The following CRABP2 variants were observed in gnomAD, a reference collection of about 807,000 sequenced individuals.
CRABP2 encodes the protein cellular retinoic acid binding protein 2, also known as cellular retinoic acid-binding protein 2.
In CRABP2, 20 loss-of-function variants were observed where a neutral mutation model predicts 17.9. The ratio of observed to expected loss-of-function variants is 1.12; its 90% confidence interval spans 0.79 to 1.63. CRABP2 has a LOEUF of 1.63. Ranked by LOEUF, CRABP2 falls within the 40% of genes most tolerant of loss-of-function variation. The probability of loss-of-function intolerance (pLI) is 0.00; values close to 1 mark genes in which losing one functional copy is unlikely to be tolerated. For synonymous variants in CRABP2, 76 were observed against 66.4 expected, an observed-to-expected ratio of 1.14 and a Z score of -0.70; for missense variants, 151 against 168.6, an observed-to-expected ratio of 0.90 and a Z score of 0.58.
At chr1:156,704,422 T>TA (rs796224440) in intron 1 of CRABP2, among the ~76,000 whole-genome samples, 9 of 152,222 alleles carry the variant, frequency 5.9e-5, no homozygotes, top group African/African-American at 2.2e-4. Flanking sequence ...GGCCTGCCCT[T>TA]ACGCTCCCAG....
rs1360924629 is a variant in CRABP2 at position 156,699,901 on chromosome 1, C to T, written c.*125G>A. 1 of 993,272 alleles carries T rather than the reference C, an allele frequency of 1.0e-6. No homozygotes were observed. The allele number at this position is 993,272 out of a possible 1,614,324, so 61.5% of individuals were successfully genotyped here. A position where few individuals can be genotyped will look rare whatever the true frequency, so the allele number is the denominator to read the frequency against. On this transcript the variant is annotated 3_prime_UTR_variant, in exon 4 of 4. Coordinates refer to ENST00000368222, the MANE Select transcript of CRABP2 (RefSeq NM_001878.4). ...CCCTGCAAGAGGCATCCCAGTGACCCCCAGAAGTGACTGGGGTAAGGGGAG... is the reference window on the plus strand; with the variant it reads ...CCCTGCAAGAGGCATCCCAGTGACCTCCAGAAGTGACTGGGGTAAGGGGAG...
At position 156,701,020 on chromosome 1, in the gene CRABP2, C is replaced by T; in HGVS notation, c.103G>A (p.Ala35Thr). The T allele has an allele frequency of 6.2e-7, 1 of 1,614,136 alleles. No homozygotes were observed. The highest frequency in any genetic ancestry group is 8.5e-7 in the Non-Finnish European group (1 of 1,180,020). Residue 35 changes from alanine (A) to threonine (T), a missense_variant, in exon 2 of 4, where the codon GCT becomes ACT. Physicochemically the swap from Ala to Thr is moderately conservative, Grantham distance 58. Transcript: ENST00000368222. ...TCCACTGCTGGCTTGGACGCTGCAG[C>T]CACAGCAATCTTCCTCAGCATCACA... ...VNVMLRKIAV[A>T]AASKPAVEIK...
Position 156,700,798 on chromosome 1 carries a change from A to C in CRABP2, c.249+76T>G. On this transcript the variant is annotated intron_variant, in intron 2 of 3. Transcript: ENST00000368222. ...TGGGACAGAGAGAAGCTAGGAGTTA[A>C]CTGCTAGCCTGGAAAATGGCAGGTT... The C allele has an allele frequency of 5.1e-6, 8 of 1,564,386 alleles. No individual in the cohort carries two copies. In the South Asian group the frequency reaches 9.3e-5, roughly 18 times the overall value.
intron 1 of CRABP2, among the ~76,000 whole-genome samples, chr1:156,703,179 A>G (rs1041963556): frequency 5.9e-5 from 9 of 152,244 alleles, no homozygotes; most frequent in Admixed American, 3.9e-4. Flanking sequence ...GAAGGAATAG[A>G]AAAGGAGACT....
rs1025608733 is a variant in CRABP2 at position 156,699,927 on chromosome 1, C to T, written c.*99G>A. The T allele has an allele frequency of 1.0e-5, 13 of 1,286,378 alleles. No homozygotes were observed. Among genetic ancestry groups the T allele is most frequent in the South Asian group, 5.2e-5 (4 of 76,822 alleles). The allele number at this position is 1,286,378 out of a possible 1,614,324, so 79.7% of individuals were successfully genotyped here. A position where few individuals can be genotyped will look rare whatever the true frequency, so the allele number is the denominator to read the frequency against. ...CCAGAAGTGACTGGGGTAAGGGGAG[C>T]GCTATCCTAGAAGGAGGGGGTGGGA... is the stretch of plus-strand genomic sequence containing the variant. On this transcript the variant is annotated 3_prime_UTR_variant, in exon 4 of 4. Coordinates refer to ENST00000368222, the MANE Select transcript of CRABP2 (RefSeq NM_001878.4).
chr1:156,705,178 C>T lies in CRABP2; in HGVS notation c.70+199G>A, dbSNP rs543050985. Reference sequence around the variant, plus strand: ...CCGTGAGTCACCGCAGTGTTGGCACCGGTGGGCCCCCGCAGGAGAAAGCGG... The same window carrying T: ...CCGTGAGTCACCGCAGTGTTGGCACTGGTGGGCCCCCGCAGGAGAAAGCGG... On this transcript the variant is annotated intron_variant, in intron 1 of 3. Coordinates refer to ENST00000368222, the MANE Select transcript of CRABP2 (RefSeq NM_001878.4). This position sits in a 1 kb window ranked among gnomAD's most constrained non-coding sequence, Gnocchi z 5.2. 3.3e-5 allele frequency among the ~76,000 whole-genome samples: 5 copies of T among 152,338 alleles called. No individual in the cohort carries two copies. The highest frequency in any genetic ancestry group is 3.4e-3 in the Middle Eastern group (1 of 294).
Position 156,700,643 on chromosome 1 carries a change from C to G in CRABP2, c.265G>C (p.Glu89Gln), listed in dbSNP as rs751247337. 2.5e-6 allele frequency: 4 copies of G among 1,614,014 alleles called. No homozygotes were observed. Among genetic ancestry groups the G allele is most frequent in the Middle Eastern group, 1.6e-4 (1 of 6,082 alleles). ...GRPCKSLVKW[E>Q]SENKMVCEQK... ...TCACAGACCATTTTATTCTCACTCT[C>G]CCATTTCACCAGGCTCTGCAAGAGA... Residue 89 changes from glutamate to glutamine, a missense_variant, in exon 3 of 4, where the codon GAG becomes CAG. By Grantham distance (29) the Glu-to-Gln change is conservative (BLOSUM62 2). Coordinates refer to ENST00000368222, the MANE Select transcript of CRABP2 (RefSeq NM_001878.4).
At chr1:156,701,976 CAA>C (rs1331183742) in intron 1 of CRABP2, among the ~76,000 whole-genome samples, 12 of 132,512 alleles carry the variant, frequency 9.1e-5, no homozygotes, top group Admixed American at 1.5e-4. Flanking sequence ...CCGACTCTAC[CAA>C]AAAAAAAAAA....
At chr1:156,704,314 C>A (rs773520396) in intron 1 of CRABP2, among the ~76,000 whole-genome samples, 7 of 152,164 alleles carry the variant, frequency 4.6e-5, no homozygotes, top group Non-Finnish European at 7.4e-5. Context: ...CAGACTCACT[C>A]CTATAGTCCA....
chr1:156,702,271 T>G (rs1306607668), intron 1 of CRABP2, among the ~76,000 whole-genome samples: 1 of 145,412 alleles, frequency 6.9e-6, no homozygotes, highest in South Asian at 2.2e-4. Context: ...ACCAGCATAG[T>G]GAAACCCCAT....
rs975982942 is a variant in CRABP2 at position 156,700,450 on chromosome 1, T to A, written c.366+92A>T. On this transcript the variant is annotated intron_variant, in intron 3 of 3. Transcript: ENST00000368222. ...AGCAGGGTGCGGAGTCCAGCCATGGTTGTTCTTGAGTCTCCTGCACCCTGG... is the reference window on the plus strand; with the variant it reads ...AGCAGGGTGCGGAGTCCAGCCATGGATGTTCTTGAGTCTCCTGCACCCTGG... 7.0e-6 allele frequency: 7 copies of A among 1,000,972 alleles called. No individual in the cohort carries two copies. In the African/African-American group the frequency reaches 1.1e-4, roughly 16 times the overall value. 62.0% of individuals were successfully genotyped at this position (1,000,972 alleles called of 1,614,324 possible).
At position 156,705,053 on chromosome 1, in the gene CRABP2, A is replaced by G. The variant is rs777403478; in HGVS notation, c.70+324T>C. On this transcript the variant is annotated intron_variant, in intron 1 of 3. Coordinates refer to ENST00000368222, the MANE Select transcript of CRABP2 (RefSeq NM_001878.4). The surrounding 1 kb of genome is among the most constrained non-coding windows in gnomAD (Gnocchi z 5.2). ...CCAGCCCGCAGCTTCTGAACTGCAG[A>G]GAGCCAGGTGCCTCGGCCCGCCGAG... Among the ~76,000 whole-genome samples, 5 of 152,194 alleles carry G rather than the reference A, an allele frequency of 3.3e-5. No individual in the cohort carries two copies. The highest frequency in any genetic ancestry group is 2.6e-4 in the Admixed American group (4 of 15,274).
intron 1 of CRABP2, among the ~76,000 whole-genome samples, chr1:156,702,213 G>A (rs1648057586): frequency 6.6e-6 from 1 of 152,102 alleles, no homozygotes; most frequent in Non-Finnish European, 1.5e-5. Context: ...AGCACTTTGG[G>A]AGGCCGAGGC....
rs1648165370 is a variant in CRABP2 at position 156,705,427 on chromosome 1, T to C, written c.20A>G (p.Asn7Ser). The C allele has an allele frequency of 6.2e-7, 1 of 1,613,966 alleles. No homozygotes were observed. Among genetic ancestry groups the C allele is most frequent in the African/African-American group, 1.3e-5 (1 of 74,896 alleles). MPNFSG[N>S]WKIIRSENFE... ...GTTTTCCGATCGGATGATTTTCCAG[T>C]TGCCAGAGAAGTTGGGCATGGTGGC... The change falls in exon 1 of 4, where the codon AAC (asparagine) becomes AGC (serine). Residue 7 changes from asparagine to serine, a missense_variant. Coordinates refer to ENST00000368222, the MANE Select transcript of CRABP2 (RefSeq NM_001878.4). The surrounding 1 kb of genome is among the most constrained non-coding windows in gnomAD (Gnocchi z 5.2).
chr1:156,705,465 G>T lies in CRABP2; in HGVS notation c.-19C>A, dbSNP rs1452526056. ...TGGGCATGGTGGCGGCGCGGGAGGC[G>T]GTCCCCGTAGACTCCTAGGCTGGAG... On this transcript the variant is annotated 5_prime_UTR_variant, in exon 1 of 4. Transcript: ENST00000368222. This position sits in a 1 kb window ranked among gnomAD's most constrained non-coding sequence, Gnocchi z 5.2. 12 of 1,613,566 alleles carry T rather than the reference G, an allele frequency of 7.4e-6. No homozygotes were observed. The highest frequency in any genetic ancestry group is 9.3e-6 in the Non-Finnish European group (11 of 1,179,808).
chr1:156,703,031 TA>T (rs5778001), intron 1 of CRABP2, among the ~76,000 whole-genome samples: 49,136 of 86,200 alleles, frequency 0.57, 12,104 homozygotes, highest in Admixed American at 0.65. Flanking sequence ...ACCCTACCAC[TA>T]AAAAAAAAAA....
intron 1 of CRABP2, 95 bp from the exon 2 acceptor site, chr1:156,701,147 C>G: frequency 7.0e-7 from 1 of 1,420,424 alleles, no homozygotes; most frequent in South Asian, 1.3e-5. Context: ...TGATTTGTGA[C>G]TTGCTTGGGG....
rs367677751 is a variant in CRABP2, at chr1:156,705,342, C to G, written c.70+35G>C. ...CAACTTCGAGGACTCCAGAGCCCCCCCTTGCCCCACCTGGGCCCTCGAACA... is the reference window on the plus strand; with the variant it reads ...CAACTTCGAGGACTCCAGAGCCCCCGCTTGCCCCACCTGGGCCCTCGAACA... On this transcript the variant is annotated intron_variant, in intron 1 of 3. Coordinates refer to ENST00000368222, the MANE Select transcript of CRABP2 (RefSeq NM_001878.4). The surrounding 1 kb of genome is among the most constrained non-coding windows in gnomAD (Gnocchi z 5.2). 8.6e-5 allele frequency: 138 copies of G among 1,611,640 alleles called. No individual in the cohort carries two copies. In the African/African-American group the frequency reaches 1.5e-3, roughly 18 times the overall value.
chr1:156,700,708 C>T, intron 2 of CRABP2, 50 bp from the exon 3 acceptor site: 1 of 1,557,810 alleles, frequency 6.4e-7, no homozygotes, highest in Non-Finnish European at 8.9e-7. Flanking sequence ...AGGGGCAATG[C>T]AGTGAGAGGG....
Sources: gnomAD v4.1 joint callset for allele counts (sites outside exome capture counted in the v4.1 genomes callset) on GRCh38, gnomAD v4.1.1 for gene constraint, Gnocchi (gnomAD v3.1) non-coding constraint, MANE v1.5 for transcripts, NCBI Gene and HGNC (gene_info 2026-07-23, HGNC 2026-07-21) for gene names.